BORCS5: variants seen among roughly 807,000 people sequenced by gnomAD.
BORCS5 encodes the protein BLOC-1-related complex subunit 5.
A neutral mutation model predicts 22.1 loss-of-function variants in BORCS5; 17 were observed. That is an observed-to-expected ratio of 0.77 (90% CI 0.53 to 1.15). BORCS5 has a LOEUF of 1.15. Among genes scored for constraint, BORCS5 ranks in the 50% most tolerant of loss-of-function variants. The pLI is 0.00. For synonymous variants in BORCS5, 117 were observed against 99.8 expected (o/e 1.17, Z -1.03); for missense variants, 247 against 253.2 (o/e 0.98, Z 0.17).
intron 2 of BORCS5, among the ~76,000 whole-genome samples, chr12:12,409,443 T>C (rs1007323072): frequency 2.6e-5 from 4 of 152,036 alleles, no homozygotes; most frequent in East Asian, 1.9e-4. Flanking sequence ...TGGACACTTA[T>C]TGTTCAATTC....
chr12:12,378,204 T>C (rs1259181540), intron 2 of BORCS5, among the ~76,000 whole-genome samples: 1 of 152,160 alleles, frequency 6.6e-6, no homozygotes, highest in African/African-American at 2.4e-5. Flanking sequence ...AAACCCCGTC[T>C]CTACTAAAAA....
rs369730074 is a variant in BORCS5 at position 12,449,468 on chromosome 12, T to C, written c.360+13683T>C. 4.6e-5 allele frequency among the ~76,000 whole-genome samples: 7 copies of C among 152,314 alleles called. No homozygotes were observed. In the East Asian group the frequency reaches 9.6e-4, roughly 21 times the overall value. ...GGGGAGGAGGTATAATCTGCCTGTT[T>C]AGTTTTGGAAGCTGCTTAAAGGTTT... is the stretch of plus-strand genomic sequence containing the variant. On this transcript the variant is annotated intron_variant, in intron 3 of 3. Coordinates refer to ENST00000314565, the MANE Select transcript of BORCS5 (RefSeq NM_058169.6).
chr12:12,447,395 C>T (rs1029083015), intron 3 of BORCS5, among the ~76,000 whole-genome samples: 2 of 152,136 alleles, frequency 1.3e-5, no homozygotes, highest in South Asian at 4.1e-4. Context: ...CCCTGGTGCA[C>T]AGGAAGTGTT....
intron 2 of BORCS5, among the ~76,000 whole-genome samples, chr12:12,410,575 C>G (rs1941707545): frequency 6.6e-6 from 1 of 152,014 alleles, no homozygotes; most frequent in Non-Finnish European, 1.5e-5. Context: ...TGTTCTGTTC[C>G]ATTGGTCTAT....
rs772578633 is a variant in BORCS5 at position 12,469,909 on chromosome 12, C to G, written c.*4133C>G. ...TTTCGCTTCATTCCTTTGTTAAGAA[C>G]TATATAGTGCCTCTGAGGAGGTGGC... is the stretch of plus-strand genomic sequence containing the variant. On this transcript the variant is annotated 3_prime_UTR_variant, in exon 4 of 4. Coordinates refer to ENST00000314565, the MANE Select transcript of BORCS5 (RefSeq NM_058169.6). Among the ~76,000 whole-genome samples the G allele has an allele frequency of 1.3e-5, 2 of 152,094 alleles. No homozygotes were observed. The highest frequency in any genetic ancestry group is 6.6e-5 in the Admixed American group (1 of 15,266).
chr12:12,455,668 A>G (rs1942985793), intron 3 of BORCS5, among the ~76,000 whole-genome samples: 1 of 152,010 alleles, frequency 6.6e-6, no homozygotes, highest in South Asian at 2.1e-4. Context: ...AATCCCAGCT[A>G]CTTGGGAGGC....
chr12:12,365,159 G>A (rs1863377764), intron 2 of BORCS5, among the ~76,000 whole-genome samples: 1 of 152,068 alleles, frequency 6.6e-6, no homozygotes, highest in African/African-American at 2.4e-5. Context: ...AATAGGTGAG[G>A]AAGGAGGAAG....
Position 12,389,369 on chromosome 12 carries a change from C to T in BORCS5, c.202+28020C>T, listed in dbSNP as rs551299594. 2.1e-4 allele frequency among the ~76,000 whole-genome samples: 31 copies of T among 150,904 alleles called. 1 individual carries two copies. Among genetic ancestry groups the T allele is most frequent in the African/African-American group, 7.6e-4 (31 of 41,026 alleles). ...GCTAGGCTGGTCTCGAACTCTTGAC[C>T]TTAGGTGATCCACCCGCCTTGGCCT... On this transcript the variant is annotated intron_variant, in intron 2 of 3. Transcript: ENST00000314565.
At chr12:12,445,652 CAG>C (rs901641643) in intron 3 of BORCS5, among the ~76,000 whole-genome samples, 2 of 145,362 alleles carry the variant, frequency 1.4e-5, no homozygotes, top group African/African-American at 2.5e-5. Context: ...AATTTTTTTA[CAG>C]AGAGTGTCTT....
chr12:12,391,046 C>T (rs914496572), intron 2 of BORCS5, among the ~76,000 whole-genome samples: 2 of 152,112 alleles, frequency 1.3e-5, no homozygotes, highest in Non-Finnish European at 1.5e-5. Context: ...TTGGTTCCAA[C>T]TCTGTGCCTT....
chr12:12,395,706 A>C (rs868575553), intron 2 of BORCS5, among the ~76,000 whole-genome samples: 1 of 152,010 alleles, frequency 6.6e-6, no homozygotes, highest in Non-Finnish European at 1.5e-5. Flanking sequence ...GGAGCAGGGT[A>C]TTAACATGTT....
At chr12:12,362,191 G>T (rs1863301296) in intron 2 of BORCS5, among the ~76,000 whole-genome samples, 1 of 152,136 alleles carries the variant, frequency 6.6e-6, no homozygotes, top group African/African-American at 2.4e-5. Context: ...CATTAAATGT[G>T]TTTCAATGAT....
intron 1 of BORCS5, among the ~76,000 whole-genome samples, chr12:12,358,834 A>G (rs942442275): frequency 6.6e-6 from 1 of 152,230 alleles, no homozygotes; most frequent in Non-Finnish European, 1.5e-5. Flanking sequence ...TGGCTTTTGT[A>G]AAATGTTAGG....
intron 2 of BORCS5, among the ~76,000 whole-genome samples, chr12:12,410,811 C>T (rs1941713064): frequency 6.6e-6 from 1 of 152,148 alleles, no homozygotes; most frequent in African/African-American, 2.4e-5. Flanking sequence ...TATAAATTAC[C>T]TTGGGCAGTA....
At chr12:12,374,517 G>T (rs900835583) in intron 2 of BORCS5, among the ~76,000 whole-genome samples, 3 of 151,622 alleles carry the variant, frequency 2.0e-5, no homozygotes, top group African/African-American at 2.4e-5. Context: ...GTGTGCACCT[G>T]TACTCCCAGC....
chr12:12,400,915 T>C (rs1941456785), intron 2 of BORCS5, among the ~76,000 whole-genome samples: 1 of 152,264 alleles, frequency 6.6e-6, no homozygotes, highest in South Asian at 2.1e-4. Flanking sequence ...GTTCTATATG[T>C]ATCCTTCAGC....
At chr12:12,404,867 T>C (rs1412962998) in intron 2 of BORCS5, among the ~76,000 whole-genome samples, 1 of 151,972 alleles carries the variant, frequency 6.6e-6, no homozygotes, top group Non-Finnish European at 1.5e-5. Context: ...CCTGGCTAAT[T>C]TTTTTGTATT....
At position 12,441,158 on chromosome 12, in the gene BORCS5, A is replaced by G. The variant is rs550404342; in HGVS notation, c.360+5373A>G. 4.1e-3 allele frequency among the ~76,000 whole-genome samples: 632 copies of G among 152,332 alleles called. 7 individuals carry two copies. Among genetic ancestry groups the G allele is most frequent in the Middle Eastern group, 0.01 (3 of 294 alleles). On this transcript the variant is annotated intron_variant, in intron 3 of 3. Transcript: ENST00000314565. ...TCCCTGGCACAGATCGGTCACACCC[A>G]GCAGCTTGTATCCTCTGTGGAGAAG...
In BORCS5 at chr12:12,409,485, T is replaced by G. The variant is rs571799281; in HGVS notation, c.203-26143T>G. Among the ~76,000 whole-genome samples the G allele has an allele frequency of 2.0e-3, 306 of 152,086 alleles. 2 individuals are homozygous for G. Among genetic ancestry groups the G allele is most frequent in the African/African-American group, 7.1e-3 (294 of 41,468 alleles). On this transcript the variant is annotated intron_variant, in intron 2 of 3. Transcript: ENST00000314565. The stretch of plus-strand genomic sequence containing the variant: ...GTGAGTGAGAACATATGGTGTTTGG[T>G]TTTTTGTCCTTGCAATAGTTTGCTG...
Sources: gnomAD v4.1 joint callset for allele counts (sites outside exome capture counted in the v4.1 genomes callset) on GRCh38, gnomAD v4.1.1 for gene constraint, MANE v1.5 for transcripts, NCBI Gene and HGNC (gene_info 2026-07-23, HGNC 2026-07-21) for gene names.